Variants in PCID2 observed in about 807,000 individuals in gnomAD.
The protein encoded by PCID2 is PCI domain containing 2, also known as PCI domain-containing protein 2.
In PCID2, 41 loss-of-function variants were observed where a neutral mutation model predicts 61.3. The ratio of observed to expected loss-of-function variants is 0.67; its 90% CI spans 0.52 to 0.87. The LOEUF (loss-of-function observed/expected upper bound fraction) is 0.87. Among genes scored for constraint, PCID2 ranks in the 40% least tolerant of loss-of-function variants. The probability of loss-of-function intolerance (pLI) is 0.00; values close to 1 mark genes in which losing one functional copy is unlikely to be tolerated. For synonymous variants in PCID2, 187 were observed against 177.8 expected (o/e 1.05, Z -0.41); for missense variants, 392 against 493.4 (o/e 0.79, Z 1.95).
chr13:113,183,670 TGAA>T (rs1270970138), intron 9 of PCID2: 1 of 638,762 alleles, frequency 1.6e-6, no homozygotes, highest in Non-Finnish European at 2.0e-6. Context: ...CACAAACAGC[TGAA>T]GAAGAGTTTA....
intron 2 of PCID2, among the ~76,000 whole-genome samples, chr13:113,199,830 G>C (rs888065223): frequency 2.0e-5 from 3 of 152,212 alleles, no homozygotes; most frequent in Non-Finnish European, 4.4e-5. Flanking sequence ...TGAGTTGCAA[G>C]TCTGTACACC....
chr13:113,169,003 A>G, the PCID2 span, among the ~76,000 whole-genome samples: 1 of 152,200 alleles, frequency 6.6e-6, no homozygotes, highest in Non-Finnish European at 1.5e-5. Context: ...TGCTGGGATT[A>G]TAGGCGTGAG....
In PCID2 at chr13:113,185,496, T is replaced by C; in HGVS notation, c.532A>G (p.Ile178Val). 1 of 1,611,888 alleles carries C rather than the reference T, an allele frequency of 6.2e-7. No individual in the cohort carries two copies. Among genetic ancestry groups the C allele is most frequent in the Non-Finnish European group, 8.5e-7 (1 of 1,177,940 alleles). ...MLFLVNQLFK[I>V]YFKINKLHLC... ...AAACAGAAGCACACCTTGAAGTAGA[T>C]TTTAAACAGCTGGTTCACCAGAAAC... The change falls in exon 8 of 14, where the codon ATC becomes GTC. Residue 178 changes from isoleucine to valine, a missense_variant. By Grantham distance (29) the Ile-to-Val change is conservative. Coordinates refer to ENST00000337344, the MANE Select transcript of PCID2 (RefSeq NM_001127202.4).
chr13:113,183,328 A>G (rs2037815310), intron 9 of PCID2, among the ~76,000 whole-genome samples: 1 of 152,230 alleles, frequency 6.6e-6, no homozygotes, highest in Non-Finnish European at 1.5e-5. Context: ...TAGGTATTCA[A>G]AAATACCACT....
intron 6 of PCID2, among the ~76,000 whole-genome samples, chr13:113,194,356 G>A (rs372565190): frequency 5.9e-5 from 9 of 151,846 alleles, no homozygotes; most frequent in African/African-American, 1.9e-4. Flanking sequence ...GGTTTCTAAC[G>A]CGCCCAGTCC....
At chr13:113,170,613 TG>T in the PCID2 span, 1 of 896,936 alleles carries the variant, frequency 1.1e-6, no homozygotes. Flanking sequence ...AATTTAAAAC[TG>T]GACTGTTTCT....
At chr13:113,170,230 A>T in the PCID2 span, among the ~76,000 whole-genome samples, 1,086 of 147,776 alleles carry the variant, frequency 7.3e-3, 17 homozygotes, top group African/African-American at 0.025. Context: ...TAGACTGTCA[A>T]CAATTCGTTA....
chr13:113,182,399 C>T (rs2037722470), intron 9 of PCID2, among the ~76,000 whole-genome samples: 1 of 152,214 alleles, frequency 6.6e-6, no homozygotes, highest in African/African-American at 2.4e-5. Context: ...TGCAATATCC[C>T]ACCAGCTGCC....
chr13:113,196,201 C>A lies in PCID2; in HGVS notation c.288G>T (p.Gln96His). The A allele has an allele frequency of 6.2e-7, 1 of 1,603,452 alleles. No individual in the cohort carries two copies. The highest frequency in any genetic ancestry group is 8.5e-7 in the Non-Finnish European group (1 of 1,171,984). The change falls in exon 5 of 14, where the codon CAG becomes CAT. Residue 96 changes from glutamine (Q) to histidine (H), a missense_variant. Physicochemically the swap from Gln to His is conservative, Grantham distance 24. Around this residue, in one of 3 missense-constraint regions of PCID2, gnomAD observed 155 missense variants for 164.9 expected, o/e 0.94. Transcript: ENST00000337344. The stretch of plus-strand genomic sequence containing the variant: ...CTTACCAGTTTTCTTCTTTGTGGGC[C>A]TGGAATGCTCGCAAGAATGATGTAC... ...VIVQSFLRAF[Q>H]AHKEENWALP... is the part of the protein sequence containing the mutation.
At position 113,177,884 on chromosome 13, in the gene PCID2, T is replaced by C. The variant is rs1016341566; in HGVS notation, c.*314A>G. Reference sequence around the variant, plus strand: ...ACTACAAAAAGTTACAAAGACAGCCTTCAGGAACCACACTTAGGAAAAGTG... The same window carrying C: ...ACTACAAAAAGTTACAAAGACAGCCCTCAGGAACCACACTTAGGAAAAGTG... On this transcript the variant is annotated 3_prime_UTR_variant, in exon 14 of 14. Coordinates refer to ENST00000337344, the MANE Select transcript of PCID2 (RefSeq NM_001127202.4). 1.1e-4 allele frequency: 23 copies of C among 206,630 alleles called. No individual in the cohort carries two copies. The highest frequency in any genetic ancestry group is 3.1e-4 in the Admixed American group (6 of 19,048). The allele number at this position is 206,630 out of a possible 1,614,324, so 12.8% of individuals were successfully genotyped here.
intron 1 of PCID2, 180 bp from the exon 2 acceptor site, chr13:113,200,696 C>CTTT (rs998821979): frequency 1.4e-3 from 316 of 220,934 alleles, no homozygotes; most frequent in Middle Eastern, 3.4e-3. Flanking sequence ...ACAATAATTT[C>CTTT]TTTTTTTTTT....
At chr13:113,197,151 A>G in intron 4 of PCID2, 27 bp downstream of exon 4, 1 of 1,614,146 alleles carries the variant, frequency 6.2e-7, no homozygotes. Context: ...TCTATGCGGG[A>G]CAGCTGCCAT....
chr13:113,184,782 C>T (rs1410847317), intron 8 of PCID2, among the ~76,000 whole-genome samples: 3 of 151,630 alleles, frequency 2.0e-5, no homozygotes, highest in Non-Finnish European at 4.4e-5. Flanking sequence ...GGGGGCACAG[C>T]CCTGCAGGAG....
chr13:113,191,603 C>T (rs1477312767), intron 6 of PCID2, among the ~76,000 whole-genome samples: 4 of 152,158 alleles, frequency 2.6e-5, no homozygotes, highest in Admixed American at 6.5e-5. Context: ...GAAATAAAAA[C>T]GTTTAACAAA....
At chr13:113,191,196 AT>A (rs1464653053) in intron 6 of PCID2, among the ~76,000 whole-genome samples, 3 of 149,276 alleles carry the variant, frequency 2.0e-5, no homozygotes, top group Non-Finnish European at 4.4e-5. Flanking sequence ...TTATTTTAAT[AT>A]TTTTTTCTTT....
chr13:113,187,983 C>T (rs776170163), intron 7 of PCID2: 9 of 152,216 alleles, frequency 5.9e-5, no homozygotes, highest in African/African-American at 1.4e-4. Context: ...TTAGGAAACA[C>T]GGATTGAGCT....
At chr13:113,171,745 C>T in the PCID2 span, 7 of 1,611,952 alleles carry the variant, frequency 4.3e-6, no homozygotes, top group Non-Finnish European at 5.9e-6. The surrounding 1 kb of genome is among the most constrained non-coding windows in gnomAD (Gnocchi z 5.1). Context: ...TCCCCGTGTG[C>T]ACCCCTGAGA....
At chr13:113,192,485 G>A (rs760863420) in intron 6 of PCID2, among the ~76,000 whole-genome samples, 3 of 152,086 alleles carry the variant, frequency 2.0e-5, no homozygotes, top group Non-Finnish European at 4.4e-5. Context: ...CAGCTACCCA[G>A]GCTTGGGCAT....
intron 1 of PCID2, among the ~76,000 whole-genome samples, chr13:113,202,776 A>G (rs1285536151): frequency 6.6e-6 from 1 of 152,214 alleles, no homozygotes; most frequent in Non-Finnish European, 1.5e-5. Context: ...ATCTTTCTAG[A>G]GAGGGGGGTG....
Sources: gnomAD v4.1 joint callset for allele counts (sites outside exome capture counted in the v4.1 genomes callset) on GRCh38, gnomAD v4.1.1 for gene constraint, gnomAD v4.1.1 regional missense constraint, Gnocchi (gnomAD v3.1) non-coding constraint, MANE v1.5 for transcripts, NCBI Gene and HGNC (gene_info 2026-07-23, HGNC 2026-07-21) for gene names.